Variants in DDX31 observed in about 807,000 individuals in gnomAD.
DDX31 encodes the protein DEAD-box helicase 31.
A neutral mutation model predicts 91.3 loss-of-function variants in DDX31; 70 were observed. The ratio of observed to expected loss-of-function variants is 0.77; its 90% CI spans 0.63 to 0.94. The LOEUF (loss-of-function observed/expected upper bound fraction) is 0.94. Among genes scored for constraint, DDX31 ranks in the 40% least tolerant of loss-of-function variants. DDX31 has a pLI of 0.00. For synonymous variants in DDX31, 362 were observed against 350.6 expected, an observed-to-expected ratio of 1.03 and a Z score of -0.36; for missense variants, 902 against 925.0, an observed-to-expected ratio of 0.98 and a Z score of 0.32.
chr9:132,615,278 T>G (rs1000103493), intron 18 of DDX31, among the ~76,000 whole-genome samples: 1 of 152,306 alleles, frequency 6.6e-6, no homozygotes, highest in African/African-American at 2.4e-5. Context: ...TTATGATGAC[T>G]TGTAAGATGA....
intron 17 of DDX31, among the ~76,000 whole-genome samples, chr9:132,623,110 A>AC (rs1230075888): frequency 6.6e-6 from 1 of 151,254 alleles, no homozygotes; most frequent in Non-Finnish European, 1.5e-5. Context: ...AGCCTGGGAG[A>AC]CACAGCAAGA....
chr9:132,611,281 A>C (rs748076770), intron 19 of DDX31, among the ~76,000 whole-genome samples: 15 of 152,194 alleles, frequency 9.9e-5, no homozygotes, highest in Non-Finnish European at 2.2e-4. Context: ...TGCCCCAAAC[A>C]TTTGTTCAAC....
At chr9:132,617,128 A>T (rs1831685215) in intron 18 of DDX31, among the ~76,000 whole-genome samples, 1 of 151,380 alleles carries the variant, frequency 6.6e-6, no homozygotes, top group African/African-American at 2.4e-5. Flanking sequence ...CTTGGCCAGC[A>T]CCCCCTTTCC....
rs764520207 is a variant in DDX31, at chr9:132,669,911, G to A, written c.24C>T (p.Leu8=). The change falls in exon 1 of 20, where the codon CTC becomes CTT. Residue 8 remains leucine (L), a synonymous_variant. Transcript: ENST00000372159. ...TGGAGAACGTCCTGGGGTTGTCGAA[G>A]AGCGAACCGTCGGCGGCTGCCATGG... MAAADGS[L]FDNPRTFSRR... The A allele has an allele frequency of 1.3e-6, 2 of 1,596,968 alleles. No individual in the cohort carries two copies. Among genetic ancestry groups the A allele is most frequent in the Admixed American group, 1.7e-5 (1 of 57,952 alleles).
At chr9:132,634,735 G>C (rs1250047085) in intron 14 of DDX31, among the ~76,000 whole-genome samples, 1 of 151,964 alleles carries the variant, frequency 6.6e-6, no homozygotes, top group Non-Finnish European at 1.5e-5. Context: ...TGGACGACCA[G>C]AGGTAAGTTC....
intron 13 of DDX31, 25 bp downstream of exon 13, chr9:132,645,870 G>A (rs374949352): frequency 3.0e-5 from 48 of 1,591,610 alleles, no homozygotes; most frequent in African/African-American, 4.0e-5. Flanking sequence ...CAGTGTTGTC[G>A]CTGCACAGGG....
At chr9:132,615,470 C>T (rs1274938540) in intron 18 of DDX31, among the ~76,000 whole-genome samples, 1 of 152,008 alleles carries the variant, frequency 6.6e-6, no homozygotes, top group African/African-American at 2.4e-5. Context: ...AGGTTCCCTG[C>T]TGTTCTCTTC....
intron 19 of DDX31, among the ~76,000 whole-genome samples, chr9:132,609,601 A>C (rs1302775520): frequency 6.6e-6 from 1 of 152,182 alleles, no homozygotes; most frequent in Non-Finnish European, 1.5e-5. Context: ...CAGGGATCGG[A>C]ATAAACAAAG....
At chr9:132,645,536 A>C (rs1270737565) in intron 13 of DDX31, among the ~76,000 whole-genome samples, 1 of 152,162 alleles carries the variant, frequency 6.6e-6, no homozygotes, top group Non-Finnish European at 1.5e-5. Flanking sequence ...TGGGTACTAA[A>C]AAGGCAAAAC....
At chr9:132,631,681 C>A (rs994528727) in intron 15 of DDX31, among the ~76,000 whole-genome samples, 1 of 152,198 alleles carries the variant, frequency 6.6e-6, no homozygotes, top group South Asian at 2.1e-4. Flanking sequence ...TACACGGACA[C>A]GGCTCTCGGA....
intron 14 of DDX31, among the ~76,000 whole-genome samples, chr9:132,635,535 C>A (rs1006272547): frequency 6.9e-6 from 1 of 144,860 alleles, no homozygotes; most frequent in Non-Finnish European, 1.5e-5. Context: ...ATCTCCTGGA[C>A]GTCATGATCT....
At chr9:132,608,052 G>C (rs1458990439) in intron 19 of DDX31, among the ~76,000 whole-genome samples, 2 of 152,180 alleles carry the variant, frequency 1.3e-5, no homozygotes, top group South Asian at 2.1e-4. Context: ...GAAAGATGGG[G>C]ACTTTGGAAG....
chr9:132,634,365 C>T (rs1590040535), intron 14 of DDX31, among the ~76,000 whole-genome samples: 3 of 150,962 alleles, frequency 2.0e-5, no homozygotes, highest in East Asian at 1.9e-4. Context: ...CGCATGCCCA[C>T]GCACACACAC....
chr9:132,645,554 T>C (rs1215998121), intron 13 of DDX31, among the ~76,000 whole-genome samples: 1 of 152,154 alleles, frequency 6.6e-6, no homozygotes, highest in Non-Finnish European at 1.5e-5. Context: ...AACCCTTCCC[T>C]GGTGCCAGCT....
At position 132,646,919 on chromosome 9, in the gene DDX31, G is replaced by A. The variant is rs779653147; in HGVS notation, c.1107C>T (p.Ser369=). Residue 369 remains serine, a synonymous_variant, in exon 12 of 20, where the codon AGC becomes AGT. Transcript: ENST00000372159. ...GCTTGAGACTCTCTGGTATTGCAAA[G>A]CTGTCCAGCTTGTCGCCAGCTGGTG... ...CPPPAGDKLD[S]FAIPESLKQH... is the part of the protein sequence containing the mutation. 1.4e-5 allele frequency: 22 copies of A among 1,614,098 alleles called. No individual in the cohort carries two copies. The South Asian group carries it at 2.1e-4, about 15-fold the overall frequency.
At chr9:132,643,955 C>G (rs1833658467) in intron 13 of DDX31, among the ~76,000 whole-genome samples, 1 of 151,720 alleles carries the variant, frequency 6.6e-6, no homozygotes, top group Non-Finnish European at 1.5e-5. Context: ...TCTAGACTTT[C>G]ATCACAACTA....
At chr9:132,661,971 C>T (rs1344205554) in intron 3 of DDX31, among the ~76,000 whole-genome samples, 1 of 152,000 alleles carries the variant, frequency 6.6e-6, no homozygotes, top group Non-Finnish European at 1.5e-5. Flanking sequence ...GATGTCCTGA[C>T]CCTAAATCAC....
chr9:132,640,306 A>G (rs1288876318), intron 14 of DDX31, among the ~76,000 whole-genome samples: 1 of 152,170 alleles, frequency 6.6e-6, no homozygotes, highest in Non-Finnish European at 1.5e-5. Context: ...GTAGTGTTCC[A>G]GGCAGAGGGA....
At chr9:132,651,495 C>T (rs922689163) in intron 7 of DDX31, among the ~76,000 whole-genome samples, 7 of 152,138 alleles carry the variant, frequency 4.6e-5, no homozygotes, top group African/African-American at 1.7e-4. Context: ...AATATGTACG[C>T]AGAGTAAACC....
Sources: allele counts gnomAD v4.1 joint callset (sites outside exome capture counted in the v4.1 genomes callset), GRCh38; gene constraint gnomAD v4.1.1; transcripts MANE v1.5; gene names NCBI Gene and HGNC (gene_info 2026-07-23, HGNC 2026-07-21).